Variants in PLCL1 observed in about 807,000 individuals in gnomAD.
PLCL1 encodes inactive phospholipase C-like protein 1.
PLCL1 carries 41 observed loss-of-function variants against 84.4 expected under a neutral mutation model. That is an observed-to-expected ratio of 0.49 (90% CI 0.38 to 0.63). The LOEUF is 0.63. Among genes scored for constraint, PLCL1 ranks in the 30% least tolerant of loss-of-function variants. The probability of loss-of-function intolerance (pLI) is 0.00; values close to 1 mark genes in which losing one functional copy is unlikely to be tolerated. For synonymous variants in PLCL1, 490 were observed against 488.3 expected (o/e 1.00, Z -0.05); for missense variants, 1,206 against 1,367.8 (o/e 0.88, Z 1.87).
chr2:197,818,961 G>T (rs1247006236), intron 1 of PLCL1, among the ~76,000 whole-genome samples: 1 of 152,056 alleles, frequency 6.6e-6, no homozygotes, highest in Non-Finnish European at 1.5e-5. Flanking sequence ...GGAGGGAAAA[G>T]GTCAATGTTC....
chr2:198,147,162 T>C lies in PLCL1; in HGVS notation c.*200T>C. 1 of 461,876 alleles carries C rather than the reference T, an allele frequency of 2.2e-6. No homozygotes were observed. The highest frequency in any genetic ancestry group is 3.7e-5 in the East Asian group (1 of 26,980). The allele number at this position is 461,876 out of a possible 1,614,324, so 28.6% of individuals were successfully genotyped here. Reference sequence around the variant, plus strand: ...CCTTTAGTATCAGTGTTTTAAATTCTGAGACATGTGTCAACACCCCTGTGT... The same window carrying C: ...CCTTTAGTATCAGTGTTTTAAATTCCGAGACATGTGTCAACACCCCTGTGT... On this transcript the variant is annotated 3_prime_UTR_variant, in exon 6 of 6. Transcript: ENST00000428675.
intron 1 of PLCL1, among the ~76,000 whole-genome samples, chr2:197,959,379 A>C (rs1249404769): frequency 6.6e-6 from 1 of 151,922 alleles, no homozygotes; most frequent in Non-Finnish European, 1.5e-5. Context: ...ATTGGATAAG[A>C]CCTACCCACA....
intron 1 of PLCL1, among the ~76,000 whole-genome samples, chr2:198,051,642 G>A (rs1180640364): frequency 6.6e-6 from 1 of 152,114 alleles, no homozygotes; most frequent in African/African-American, 2.4e-5. Context: ...AAAACTTTAT[G>A]CCCAAATTTT....
In PLCL1 at chr2:197,954,988, G is replaced by A. The variant is rs554329903; in HGVS notation, c.241-128770G>A. The stretch of plus-strand genomic sequence containing the variant: ...TTAGAAACAGTTTCTAATTCCAGAG[G>A]GCATGATATGTATTCATTTTCTAGG... On this transcript the variant is annotated intron_variant, in intron 1 of 5. Coordinates refer to ENST00000428675, the MANE Select transcript of PLCL1 (RefSeq NM_006226.4). Among the ~76,000 whole-genome samples the A allele has an allele frequency of 9.9e-4, 150 of 152,056 alleles. 2 individuals carry two copies. In the South Asian group the frequency reaches 0.03, roughly 30 times the overall value.
intron 5 of PLCL1, among the ~76,000 whole-genome samples, chr2:198,106,788 A>G (rs561329692): frequency 1.3e-5 from 2 of 151,996 alleles, no homozygotes; most frequent in South Asian, 2.1e-4. Flanking sequence ...CAACAGTGCA[A>G]TCTTGCAACA....
intron 1 of PLCL1, among the ~76,000 whole-genome samples, chr2:198,040,594 TC>T: frequency 6.6e-6 from 1 of 152,192 alleles, no homozygotes; most frequent in South Asian, 2.1e-4. Context: ...CTTATGAGCT[TC>T]CCTGGGAATT....
chr2:198,148,439 G>T lies in PLCL1; in HGVS notation c.*1477G>T, dbSNP rs909039434. On this transcript the variant is annotated 3_prime_UTR_variant, in exon 6 of 6. Transcript: ENST00000428675. ...TTTTCTTTTATTGTGAATTGAAAAAGCAAAGCTAATGAAAATGGGTTACTA... is the reference window on the plus strand; with the variant it reads ...TTTTCTTTTATTGTGAATTGAAAAATCAAAGCTAATGAAAATGGGTTACTA... 5.3e-5 allele frequency: 8 copies of T among 152,204 alleles called. No homozygotes were observed. Among genetic ancestry groups the T allele is most frequent in the African/African-American group, 1.9e-4 (8 of 41,386 alleles). The allele number at this position is 152,204 out of a possible 1,614,324, so 9.4% of individuals were successfully genotyped here.
rs184668984 is a variant in PLCL1 at position 198,021,196 on chromosome 2, C to T, written c.241-62562C>T. Among the ~76,000 whole-genome samples, 11 of 152,222 alleles carry T rather than the reference C, an allele frequency of 7.2e-5. 1 individual carries two copies. In the East Asian group the frequency reaches 2.1e-3, roughly 29 times the overall value. On this transcript the variant is annotated intron_variant, in intron 1 of 5. Transcript: ENST00000428675. Reference sequence around the variant, plus strand: ...GCAGAAATAAATAAGTTCTTTGAAACCAATGAGAACAAAGACACAATGTAC... The same window carrying T: ...GCAGAAATAAATAAGTTCTTTGAAATCAATGAGAACAAAGACACAATGTAC...
chr2:197,939,787 A>G (rs1304510042), intron 1 of PLCL1, among the ~76,000 whole-genome samples: 1 of 147,456 alleles, frequency 6.8e-6, no homozygotes, highest in Non-Finnish European at 1.5e-5. Flanking sequence ...TTAAAGCATC[A>G]GTGTTTTTAA....
In PLCL1 at chr2:197,925,731, A is replaced by G. The variant is rs77507933; in HGVS notation, c.240+120392A>G. On this transcript the variant is annotated intron_variant, in intron 1 of 5. Transcript: ENST00000428675. ...ACAACTTTTCTCCATGCACTCACTA[A>G]CACTCCCTCCCTCCCTCCCTCCCTC... Among the ~76,000 whole-genome samples the G allele has an allele frequency of 6.8e-3, 1,027 of 151,750 alleles. 15 individuals carry two copies. The highest frequency in any genetic ancestry group is 0.023 in the African/African-American group (963 of 41,176).
Position 198,086,032 on chromosome 2 carries a change from G to A in PLCL1, c.2515G>A (p.Val839Ile), listed in dbSNP as rs750442833. ...RSFVGDIMEH[V>I]TLFVHIAITN... ...TTTTGTGGGTGACATCATGGAGCACGTAACCCTTTTTGTCCACATAGCAAT... is the reference window on the plus strand; with the variant it reads ...TTTTGTGGGTGACATCATGGAGCACATAACCCTTTTTGTCCACATAGCAAT... Residue 839 changes from valine to isoleucine, a missense_variant, in exon 2 of 6, where the codon GTA (valine) becomes ATA (isoleucine). By Grantham distance (29) the Val-to-Ile change is conservative. Transcript: ENST00000428675. The A allele has an allele frequency of 1.7e-5, 27 of 1,614,032 alleles. No individual in the cohort carries two copies. In the Middle Eastern group the frequency reaches 6.6e-4, roughly 39 times the overall value.
At chr2:197,884,349 G>A (rs1391716715) in intron 1 of PLCL1, among the ~76,000 whole-genome samples, 1 of 152,182 alleles carries the variant, frequency 6.6e-6, no homozygotes, top group African/African-American at 2.4e-5. Flanking sequence ...AAAAAGTTTA[G>A]CTCCCAGTTG....
At position 198,084,493 on chromosome 2, in the gene PLCL1, A is replaced by C. The variant is rs756609742; in HGVS notation, c.976A>C (p.Asn326His). The part of the protein sequence containing the change: ...VYFLLVQISK[N>H]KEYLDANDLM... ...TTTCTTACTTGTACAGATATCTAAA[A>C]ACAAAGAATATTTGGATGCCAATGA... Residue 326 changes from asparagine to histidine, a missense_variant, in exon 2 of 6, where the codon AAC becomes CAC. Asn to His is a moderately conservative substitution (Grantham distance 68). Coordinates refer to ENST00000428675, the MANE Select transcript of PLCL1 (RefSeq NM_006226.4). The C allele has an allele frequency of 1.9e-6, 3 of 1,614,100 alleles. 1 individual carries two copies. Among genetic ancestry groups the C allele is most frequent in the Non-Finnish European group, 2.5e-6 (3 of 1,179,952 alleles).
chr2:198,053,238 T>C (rs974872162), intron 1 of PLCL1, among the ~76,000 whole-genome samples: 1 of 152,242 alleles, frequency 6.6e-6, no homozygotes, highest in Non-Finnish European at 1.5e-5. Flanking sequence ...GTCAGATCTA[T>C]TCCTTTTCTC....
intron 1 of PLCL1, among the ~76,000 whole-genome samples, chr2:197,910,680 A>G (rs977767518): frequency 3.3e-5 from 5 of 152,198 alleles, no homozygotes; most frequent in Non-Finnish European, 5.9e-5. Flanking sequence ...CGGCAACCCG[A>G]AAATATCCCC....
chr2:198,066,407 G>C (rs1239733101), intron 1 of PLCL1, among the ~76,000 whole-genome samples: 1 of 152,100 alleles, frequency 6.6e-6, no homozygotes, highest in Non-Finnish European at 1.5e-5. Context: ...CCAAACCAGA[G>C]ATCTGGGGAT....
At chr2:197,852,698 CT>C (rs1687262615) in intron 1 of PLCL1, among the ~76,000 whole-genome samples, 1 of 152,078 alleles carries the variant, frequency 6.6e-6, no homozygotes, top group Non-Finnish European at 1.5e-5. Context: ...TTGTAGGTAG[CT>C]TTGGCCAAGG....
chr2:198,039,659 G>A (rs1486438574), intron 1 of PLCL1, among the ~76,000 whole-genome samples: 2 of 152,062 alleles, frequency 1.3e-5, no homozygotes, highest in African/African-American at 4.8e-5. Flanking sequence ...TGTTTCCTTA[G>A]ATCAATTTAG....
At chr2:197,957,646 C>T (rs544230592) in intron 1 of PLCL1, among the ~76,000 whole-genome samples, 27 of 152,136 alleles carry the variant, frequency 1.8e-4, no homozygotes, top group African/African-American at 6.5e-4. Context: ...CAGGGAACAG[C>T]CTCCCGACTC....
Sources: gnomAD v4.1 joint callset for allele counts (sites outside exome capture counted in the v4.1 genomes callset) on GRCh38, gnomAD v4.1.1 for gene constraint, MANE v1.5 for transcripts, NCBI Gene and HGNC (gene_info 2026-07-23, HGNC 2026-07-21) for gene names.